The following SHOC1 variants were observed in gnomAD, a reference collection of about 807,000 sequenced individuals.
The protein encoded by SHOC1 is protein shortage in chiasmata 1 ortholog.
SHOC1 carries 136 observed loss-of-function variants against 179.2 expected under a neutral mutation model. That is an observed-to-expected ratio of 0.76 (90% confidence interval 0.66 to 0.87). The LOEUF (loss-of-function observed/expected upper bound fraction) is 0.87, where lower values mean the gene tolerates loss of function less well. Among genes scored for constraint, SHOC1 ranks in the 40% least tolerant of loss-of-function variants. The pLI, the probability that SHOC1 is intolerant of heterozygous loss-of-function variation, is 0.00. For synonymous variants in SHOC1, 489 were observed against 586.6 expected, an observed-to-expected ratio of 0.83 and a Z score of 2.41; for missense variants, 1,538 against 1,700.8, an observed-to-expected ratio of 0.90 and a Z score of 1.68.
At chr9:111,765,999 G>A (rs1564158516) in intron 5 of SHOC1, among the ~76,000 whole-genome samples, 1 of 152,092 alleles carries the variant, frequency 6.6e-6, no homozygotes, top group Admixed American at 6.6e-5. Flanking sequence ...CTATTTTTAA[G>A]TGTACAGTTC....
At position 111,707,856 on chromosome 9, in the gene SHOC1, C is replaced by A; in HGVS notation, c.2557G>T (p.Gly853Cys). 6.4e-7 allele frequency: 1 copy of A among 1,571,318 alleles called. No homozygotes were observed. The highest frequency in any genetic ancestry group is 2.3e-5 in the East Asian group (1 of 43,054). ...ACAGATGAAGGAATGAATTTTTACC[C>A]CCTTAAAACACCTTCAGATTCCAGA... is the stretch of plus-strand genomic sequence containing the variant. ...DFLESEGVLR[G>C]TSSCVVVHNQ... The change falls in exon 19 of 28, where the codon GGT becomes TGT. Residue 853 changes from glycine to cysteine, a missense_variant and splice_region_variant. Physicochemically the swap from Gly to Cys is radical, Grantham distance 159. Coordinates refer to ENST00000682961, the MANE Select transcript of SHOC1 (RefSeq NM_001378211.1).
intron 20 of SHOC1, 42 bp from the exon 21 acceptor site, chr9:111,705,406 A>G: frequency 1.0e-6 from 1 of 955,758 alleles, no homozygotes; most frequent in South Asian, 2.0e-5. Context: ...TTTTATTCTC[A>G]TCTCCCAGCT....
In SHOC1 at chr9:111,708,982, T is replaced by C. The variant is rs141567526; in HGVS notation, c.2489-1058A>G. Reference sequence around the variant, plus strand: ...ATAACTTTACTTGACATGACAATAGTTCTGGTAGTGATAAGAAGTGAGTAC... The same window carrying C: ...ATAACTTTACTTGACATGACAATAGCTCTGGTAGTGATAAGAAGTGAGTAC... On this transcript the variant is annotated intron_variant, in intron 18 of 27. Transcript: ENST00000682961. Among the ~76,000 whole-genome samples the C allele has an allele frequency of 1.2e-3, 184 of 152,300 alleles. No homozygotes were observed. In the East Asian group the frequency reaches 0.017, roughly 14 times the overall value.
chr9:111,738,478 A>G lies in SHOC1; in HGVS notation c.1219T>C (p.Leu407=), dbSNP rs1383616708. The part of the protein sequence containing the change: ...EPHSQYSVTD[L]KKIFSVKEES... ...TCTTTAACAGAAAATATCTTTTTCAAATCTGTAACTGAATATTGGCTGTGG... is the reference window on the plus strand; with the variant it reads ...TCTTTAACAGAAAATATCTTTTTCAGATCTGTAACTGAATATTGGCTGTGG... The change falls in exon 12 of 28, where the codon TTG becomes CTG. Residue 407 remains leucine (L), a synonymous_variant. Transcript: ENST00000682961. The G allele has an allele frequency of 3.7e-6, 6 of 1,600,738 alleles. No individual in the cohort carries two copies. The highest frequency in any genetic ancestry group is 1.4e-5 in the African/African-American group (1 of 73,892).
chr9:111,716,381 C>CTTTTTTT (rs34548781), intron 16 of SHOC1, among the ~76,000 whole-genome samples: 1 of 67,742 alleles, frequency 1.5e-5, no homozygotes, highest in African/African-American at 5.7e-5. Context: ...TCTTTTCTCC[C>CTTTTTTT]TTTTTTTTTT....
chr9:111,706,241 C>T (rs1408791769), intron 20 of SHOC1, among the ~76,000 whole-genome samples: 1 of 151,850 alleles, frequency 6.6e-6, no homozygotes, highest in Admixed American at 6.6e-5. Context: ...ACAACTGTCC[C>T]CTAAAAATCA....
intron 8 of SHOC1, among the ~76,000 whole-genome samples, chr9:111,748,646 T>TTCCC (rs1834401006): frequency 1.3e-5 from 2 of 152,012 alleles, no homozygotes; most frequent in Non-Finnish European, 2.9e-5. Flanking sequence ...ATCTCCCTTC[T>TTCCC]TCCCTCCCTC....
intron 5 of SHOC1, 51 bp downstream of exon 5, chr9:111,775,740 T>C (rs570571860): frequency 5.8e-5 from 85 of 1,457,742 alleles, no homozygotes; most frequent in Non-Finnish European, 6.2e-5. Context: ...GAAAAGAATA[T>C]GTGTATATCA....
At chr9:111,714,648 A>G in intron 16 of SHOC1, 25 bp from the exon 17 acceptor site, 2 of 1,584,456 alleles carry the variant, frequency 1.3e-6, no homozygotes, top group South Asian at 1.2e-5. Flanking sequence ...TTAGAAAAAA[A>G]TTGTCTAAGT....
intron 21 of SHOC1, among the ~76,000 whole-genome samples, 176 bp from the exon 22 acceptor site, chr9:111,704,168 T>C (rs1589383561): frequency 6.6e-6 from 1 of 152,234 alleles, no homozygotes; most frequent in East Asian, 1.9e-4. Context: ...TTTCAGTATA[T>C]AAAACAAATC....
chr9:111,791,439 G>A lies in SHOC1; in HGVS notation c.-21C>T, dbSNP rs1303163742. ...AACATATCTTCTTTCTTTCAAAGCA[G>A]TGTAAATTTCAACATCTGGAAATAC... On this transcript the variant is annotated 5_prime_UTR_variant, in exon 2 of 28. Transcript: ENST00000682961. 1.4e-6 allele frequency: 2 copies of A among 1,438,920 alleles called. No homozygotes were observed. The highest frequency in any genetic ancestry group is 1.6e-5 in the South Asian group (1 of 63,772). The allele number at this position is 1,438,920 out of a possible 1,614,324, so 89.1% of individuals were successfully genotyped here.
rs796927358 is a variant in SHOC1, at chr9:111,740,129, A to G, written c.1174+1347T>C. ...TCCAGCTCCAAGGTAGAAATATGCAAATTTATTCGGAGTTCCCTTCTATAT... is the reference window on the plus strand; with the variant it reads ...TCCAGCTCCAAGGTAGAAATATGCAGATTTATTCGGAGTTCCCTTCTATAT... On this transcript the variant is annotated intron_variant, in intron 11 of 27. Coordinates refer to ENST00000682961, the MANE Select transcript of SHOC1 (RefSeq NM_001378211.1). Among the ~76,000 whole-genome samples, 17 of 152,120 alleles carry G rather than the reference A, an allele frequency of 1.1e-4. No individual in the cohort carries two copies. In the South Asian group the frequency reaches 3.1e-3, roughly 28 times the overall value.
chr9:111,705,162 AATATAT>A (rs72047905), intron 21 of SHOC1, 79 bp downstream of exon 21: 11 of 277,158 alleles, frequency 4.0e-5, no homozygotes, highest in South Asian at 9.2e-5. Flanking sequence ...AGCCTATCAG[AATATAT>A]ATACACACAC....
chr9:111,737,191 C>T (rs1399869140), intron 12 of SHOC1, among the ~76,000 whole-genome samples: 4 of 152,182 alleles, frequency 2.6e-5, no homozygotes, highest in Non-Finnish European at 5.9e-5. Context: ...ACGTTCGACC[C>T]AGCAATCCCA....
At chr9:111,777,855 A>G (rs1206257642) in intron 4 of SHOC1, among the ~76,000 whole-genome samples, 2 of 152,234 alleles carry the variant, frequency 1.3e-5, no homozygotes, top group Non-Finnish European at 2.9e-5. Context: ...TTAAAATCAT[A>G]GGTGGAGAAA....
At chr9:111,705,198 T>TACACACACACAC in intron 21 of SHOC1, 49 bp downstream of exon 21, 1 of 565,474 alleles carries the variant, frequency 1.8e-6, no homozygotes, top group South Asian at 2.8e-5. Context: ...CACACACACA[T>TACACACACACAC]ATATATATAA....
chr9:111,756,040 T>G (rs894106998), intron 8 of SHOC1, among the ~76,000 whole-genome samples: 3 of 152,050 alleles, frequency 2.0e-5, no homozygotes, highest in Non-Finnish European at 2.9e-5. Flanking sequence ...GAGAATCGCT[T>G]GAACCTGGGA....
chr9:111,706,015 G>A (rs927139611), intron 20 of SHOC1, among the ~76,000 whole-genome samples: 9 of 151,944 alleles, frequency 5.9e-5, no homozygotes, highest in African/African-American at 2.2e-4. Flanking sequence ...GAAAATAATC[G>A]ATGGCAAGTA....
chr9:111,708,239 G>C (rs1832373037), intron 18 of SHOC1, among the ~76,000 whole-genome samples: 1 of 150,258 alleles, frequency 6.7e-6, no homozygotes. Context: ...GTCTCGCTCT[G>C]TCGCCCAGGC....
Sources: allele counts gnomAD v4.1 joint callset (sites outside exome capture counted in the v4.1 genomes callset), GRCh38; gene constraint gnomAD v4.1.1; transcripts MANE v1.5; gene names NCBI Gene and HGNC (gene_info 2026-07-23, HGNC 2026-07-21).